Variants in WDR86 observed in about 807,000 individuals in gnomAD.
The protein encoded by WDR86 is WD repeat-containing protein 86.
A neutral mutation model predicts 36.5 loss-of-function variants in WDR86; 30 were observed. The observed-to-expected ratio is 0.82, with a 90% confidence interval of 0.61 to 1.11. WDR86 has a LOEUF of 1.11. Among genes scored for constraint, WDR86 ranks in the 50% most tolerant of loss-of-function variants. The probability of loss-of-function intolerance (pLI) is 0.00; values close to 1 mark genes in which losing one functional copy is unlikely to be tolerated. For missense variants in WDR86, 545 were observed against 561.2 expected (o/e 0.97, Z 0.29); for synonymous variants, 255 against 252.9 (o/e 1.01, Z -0.08).
At chr7:151,383,182 G>A (rs186933543) in intron 4 of WDR86, among the ~76,000 whole-genome samples, 4 of 150,574 alleles carry the variant, frequency 2.7e-5, no homozygotes, top group African/African-American at 7.3e-5. Flanking sequence ...GCGGGGTGGG[G>A]GGGGGGAGCT....
Position 151,381,773 on chromosome 7 carries a change from G to T in WDR86, c.967-27C>A. 1 of 1,422,994 alleles carries T rather than the reference G, an allele frequency of 7.0e-7. No individual in the cohort carries two copies. Among genetic ancestry groups the T allele is most frequent in the East Asian group, 2.7e-5 (1 of 37,462 alleles). 88.1% of individuals were successfully genotyped at this position (1,422,994 alleles called of 1,614,324 possible). ...TGCGGGCGCAGGGGCGGGCGTCACC[G>T]GTGACGCGGTAGGCGGGGGGGACAC... is the stretch of plus-strand genomic sequence containing the variant. On this transcript the variant is annotated intron_variant, in intron 5 of 5. Transcript: ENST00000334493. The surrounding 1 kb of genome is among the most constrained non-coding windows in gnomAD (Gnocchi z 4.8).
At chr7:151,402,070 A>AAAAAAAAAAAAAAAAAATAT in intron 1 of WDR86, among the ~76,000 whole-genome samples, 1 of 50,558 alleles carries the variant, frequency 2.0e-5, no homozygotes, top group African/African-American at 1.2e-4. Context: ...AAAAAAAAAA[A>AAAAAAAAAAAAAAAAAATAT]ATATATATAT....
At position 151,403,969 on chromosome 7, in the gene WDR86, C is replaced by A. The variant is rs1393696145; in HGVS notation, c.164-3728G>T. Among the ~76,000 whole-genome samples, 5 of 152,282 alleles carry A rather than the reference C, an allele frequency of 3.3e-5. No homozygotes were observed. The South Asian group carries it at 8.3e-4, about 25-fold the overall frequency. ...CCCAGCTGCTCCCGACGCATCTCAG[C>A]CCCAGGAAGGTGAAGCGCAGCAGTG... is the stretch of plus-strand genomic sequence containing the variant. On this transcript the variant is annotated intron_variant, in intron 1 of 5. Transcript: ENST00000334493.
downstream of WDR86, among the ~76,000 whole-genome samples, chr7:151,373,815 A>C (rs943957945): frequency 6.6e-6 from 1 of 152,190 alleles, no homozygotes; most frequent in South Asian, 2.1e-4. Context: ...GCCCATCCTG[A>C]TGCCGGATGG....
At chr7:151,402,070 A>AAAAAAAATATAT in intron 1 of WDR86, among the ~76,000 whole-genome samples, 20 of 50,524 alleles carry the variant, frequency 4.0e-4, no homozygotes, top group African/African-American at 1.9e-3. Context: ...AAAAAAAAAA[A>AAAAAAAATATAT]ATATATATAT....
At chr7:151,373,468 G>T (rs1270356079), downstream of WDR86, among the ~76,000 whole-genome samples, 1 of 152,224 alleles carries the variant, frequency 6.6e-6, no homozygotes, top group Non-Finnish European at 1.5e-5. Context: ...TGCAGCAATA[G>T]CAGGCAACTC....
At chr7:151,403,457 T>C (rs1158039425) in intron 1 of WDR86, among the ~76,000 whole-genome samples, 2 of 152,198 alleles carry the variant, frequency 1.3e-5, no homozygotes, top group Admixed American at 1.3e-4. Flanking sequence ...ATTTAGAATT[T>C]CCTGGGTAGT....
chr7:151,405,869 A>ACGAGGAAG lies in WDR86; in HGVS notation c.163+3550_163+3557dup, dbSNP rs1484775631. On this transcript the variant is annotated intron_variant, in intron 1 of 5. Coordinates refer to ENST00000334493, the MANE Select transcript of WDR86 (RefSeq NM_198285.3). The surrounding 1 kb of genome is among the most constrained non-coding windows in gnomAD (Gnocchi z 4.7). ...AATCCCCGCCCCCTCATGTTAGAAG[A>ACGAGGAAG]CGAGGAAGCGTGTGGGACAGCCACA... Among the ~76,000 whole-genome samples, 1 of 152,128 alleles carries ACGAGGAAG rather than the reference A, an allele frequency of 6.6e-6. No homozygotes were observed. Among genetic ancestry groups the ACGAGGAAG allele is most frequent in the East Asian group, 1.9e-4 (1 of 5,194 alleles).
chr7:151,396,227 A>G (rs1226471537), intron 2 of WDR86, 31 bp from the exon 3 acceptor site: 1 of 1,612,108 alleles, frequency 6.2e-7, no homozygotes, highest in Non-Finnish European at 8.5e-7. Flanking sequence ...GTCAGGGATC[A>G]GAAGGCACGG....
chr7:151,385,150 C>T lies in WDR86; in HGVS notation c.800G>A (p.Cys267Tyr), dbSNP rs1410599195. ...TCTGTGGGCCGTGAACGTGCGCACA[C>T]ACTCCCCTGTGTCTGCCAGCCAGCA... ...VKCWLADTGE[C>Y]VRTFTAHRRN... The change falls in exon 4 of 6, where the codon TGT becomes TAT. Residue 267 changes from cysteine to tyrosine, a missense_variant. Transcript: ENST00000334493. 1.2e-6 allele frequency: 2 copies of T among 1,613,114 alleles called. No individual in the cohort carries two copies. The highest frequency in any genetic ancestry group is 1.7e-6 in the Non-Finnish European group (2 of 1,179,884).
In WDR86 at chr7:151,385,169, G is replaced by T. The variant is rs756670325; in HGVS notation, c.781C>A (p.Leu261Met). The change falls in exon 4 of 6, where the codon CTG (leucine) becomes ATG (methionine). Residue 261 changes from leucine to methionine, a missense_variant. Coordinates refer to ENST00000334493, the MANE Select transcript of WDR86 (RefSeq NM_198285.3). ...GSADRTVKCW[L>M]ADTGECVRTF... ...CGCACACACTCCCCTGTGTCTGCCA[G>T]CCAGCACTTGACGGTCCTGTCCGCG... 1 of 1,613,162 alleles carries T rather than the reference G, an allele frequency of 6.2e-7. No individual in the cohort carries two copies. Among genetic ancestry groups the T allele is most frequent in the African/African-American group, 1.3e-5 (1 of 75,062 alleles).
chr7:151,403,985 C>T (rs1038751552), intron 1 of WDR86, among the ~76,000 whole-genome samples: 3 of 152,128 alleles, frequency 2.0e-5, no homozygotes, highest in Non-Finnish European at 2.9e-5. Context: ...GAAGGTGAAG[C>T]GCAGCAGTGA....
chr7:151,401,638 G>A lies in WDR86; in HGVS notation c.164-1397C>T, dbSNP rs1800298541. On this transcript the variant is annotated intron_variant, in intron 1 of 5. Transcript: ENST00000334493. This position sits in a 1 kb window ranked among gnomAD's most constrained non-coding sequence, Gnocchi z 4.3. The stretch of plus-strand genomic sequence containing the variant: ...GCAGAATGACGGCCCCAAGACAGCA[G>A]GTCCTAATCCCTGGAACCTGTCAAT... Among the ~76,000 whole-genome samples the A allele has an allele frequency of 6.6e-6, 1 of 152,116 alleles. No homozygotes were observed. Among genetic ancestry groups the A allele is most frequent in the Non-Finnish European group, 1.5e-5 (1 of 68,014 alleles).
At chr7:151,393,170 A>G (rs1471667122) in intron 3 of WDR86, among the ~76,000 whole-genome samples, 1 of 152,182 alleles carries the variant, frequency 6.6e-6, no homozygotes, top group East Asian at 1.9e-4. Flanking sequence ...GTGGGCATGC[A>G]TGTACGTGCG....
Position 151,381,935 on chromosome 7 carries a change from C to T in WDR86, c.909G>A (p.Gln303=), listed in dbSNP as rs200213430. The change falls in exon 5 of 6, where the codon CAG becomes CAA. Residue 303 remains glutamine, a synonymous_variant. Coordinates refer to ENST00000334493, the MANE Select transcript of WDR86 (RefSeq NM_198285.3). This position sits in a 1 kb window ranked among gnomAD's most constrained non-coding sequence, Gnocchi z 4.8. The part of the protein sequence containing the change: ...GDACARAFDA[Q]SGELRRVFRG... Reference sequence around the variant, plus strand: ...GGAACACCCTCCGCAGCTCTCCAGACTGCGCGTCGAAGGCCCGGGCGCAAG... The same window carrying T: ...GGAACACCCTCCGCAGCTCTCCAGATTGCGCGTCGAAGGCCCGGGCGCAAG... 3 of 1,610,102 alleles carry T rather than the reference C, an allele frequency of 1.9e-6. No homozygotes were observed. The highest frequency in any genetic ancestry group is 1.1e-5 in the South Asian group (1 of 90,538).
upstream of WDR86, chr7:151,410,587 G>A (rs1801136949): frequency 6.6e-6 from 1 of 152,184 alleles, no homozygotes; most frequent in East Asian, 1.9e-4. Context: ...GGGATGTCAA[G>A]TTCACCTTCC....
At chr7:151,404,279 G>A (rs1800551044) in intron 1 of WDR86, among the ~76,000 whole-genome samples, 1 of 152,034 alleles carries the variant, frequency 6.6e-6, no homozygotes, top group Non-Finnish European at 1.5e-5. Flanking sequence ...GATGCCCTCT[G>A]CCCTCTGCCC....
downstream of WDR86, among the ~76,000 whole-genome samples, chr7:151,372,263 C>T (rs973197496): frequency 1.3e-5 from 2 of 152,218 alleles, no homozygotes. Context: ...TTGATTTGAT[C>T]TACTTTATCT....
chr7:151,385,262 C>A (rs1304918354), intron 3 of WDR86, 39 bp from the exon 4 acceptor site: 1 of 1,605,028 alleles, frequency 6.2e-7, no homozygotes, highest in Admixed American at 1.7e-5. Flanking sequence ...GCTGGGGCAG[C>A]TCTGAAGCCC....
Sources: gnomAD v4.1 joint callset for allele counts (sites outside exome capture counted in the v4.1 genomes callset) on GRCh38, gnomAD v4.1.1 for gene constraint, Gnocchi (gnomAD v3.1) non-coding constraint, MANE v1.5 for transcripts, NCBI Gene and HGNC (gene_info 2026-07-23, HGNC 2026-07-21) for gene names.